PTPRS: variants seen among roughly 807,000 people sequenced by gnomAD.
The protein encoded by PTPRS is protein tyrosine phosphatase receptor type S.
In PTPRS, 63 loss-of-function variants were observed where a neutral mutation model predicts 215.3. That is an observed-to-expected ratio of 0.29 (90% confidence interval 0.24 to 0.36). PTPRS has a LOEUF of 0.36. PTPRS is among the 10% of genes least tolerant of loss of function. The probability of loss-of-function intolerance (pLI) is 1.00; values close to 1 mark genes in which losing one functional copy is unlikely to be tolerated. For synonymous variants in PTPRS, 1,404 were observed against 1,191.4 expected, an observed-to-expected ratio of 1.18 and a Z score of -3.68; for missense variants, 2,258 against 2,825.8, an observed-to-expected ratio of 0.80 and a Z score of 4.56.
intron 35 of PTPRS, among the ~76,000 whole-genome samples, chr19:5,209,747 T>C (rs1389752648): frequency 1.3e-5 from 2 of 152,196 alleles, no homozygotes; most frequent in Non-Finnish European, 2.9e-5. Context: ...CATCCTGTTA[T>C]GCGAATGTTC....
chr19:5,239,298 G>A (rs542657731), intron 12 of PTPRS, among the ~76,000 whole-genome samples: 11 of 151,238 alleles, frequency 7.3e-5, no homozygotes, highest in Middle Eastern at 3.4e-3. Context: ...AAGAGGGTAC[G>A]GAGAGAGACA....
intron 1 of PTPRS, among the ~76,000 whole-genome samples, chr19:5,310,732 G>A (rs905227399): frequency 1.1e-4 from 16 of 151,480 alleles, no homozygotes; most frequent in African/African-American, 3.9e-4. Context: ...TTGAGGCAGG[G>A]TCTCACTCTG....
intron 11 of PTPRS, among the ~76,000 whole-genome samples, chr19:5,243,673 T>C (rs575709860): frequency 6.6e-6 from 1 of 152,204 alleles, no homozygotes. Context: ...GGTTTCACCA[T>C]GTTGGCCATG....
At chr19:5,225,191 A>C (rs2042372013) in intron 17 of PTPRS, among the ~76,000 whole-genome samples, 1 of 152,176 alleles carries the variant, frequency 6.6e-6, no homozygotes, top group Non-Finnish European at 1.5e-5. Flanking sequence ...CAGGGCCACC[A>C]AGAGAAAGGT....
At chr19:5,328,521 A>AACCACCGCGC (rs2050230429) in intron 1 of PTPRS, among the ~76,000 whole-genome samples, 1 of 151,790 alleles carries the variant, frequency 6.6e-6, no homozygotes. Flanking sequence ...TATAGGCGTG[A>AACCACCGCGC]ACCACCGCGC....
At chr19:5,211,834 C>G in intron 32 of PTPRS, 66 bp from the exon 33 acceptor site, 1 of 1,590,408 alleles carries the variant, frequency 6.3e-7, no homozygotes, top group South Asian at 1.1e-5. Context: ...AGCTGGAGCA[C>G]CAATGGTGGA....
intron 16 of PTPRS, among the ~76,000 whole-genome samples, chr19:5,229,057 G>A (rs78654571): frequency 0.017 from 2,620 of 152,324 alleles, 64 homozygotes; most frequent in African/African-American, 0.059. Flanking sequence ...AGGATTCAGG[G>A]ACGACCCTCA....
chr19:5,331,126 TTTAAAAAAAAAA>T (rs944215736), intron 1 of PTPRS, among the ~76,000 whole-genome samples: 4 of 42,560 alleles, frequency 9.4e-5, no homozygotes, highest in African/African-American at 6.1e-4. Flanking sequence ...GGCTTCTTTT[TTTAAAAAAAAAA>T]AAAAAAAAAA....
At chr19:5,309,174 T>C (rs56201457) in intron 1 of PTPRS, among the ~76,000 whole-genome samples, 9,500 of 151,726 alleles carry the variant, frequency 0.063, 360 homozygotes, top group African/African-American at 0.095. Context: ...TGGCTGGCTC[T>C]GGTGGTGAGC....
At position 5,222,634 on chromosome 19, in the gene PTPRS, G is replaced by A. The variant is rs2042094771; in HGVS notation, c.3103+55C>T. 15 of 1,446,764 alleles carry A rather than the reference G, an allele frequency of 1.0e-5. No individual in the cohort carries two copies. In the South Asian group the frequency reaches 1.7e-4, roughly 16 times the overall value. The allele number at this position is 1,446,764 out of a possible 1,614,324, so 89.6% of individuals were successfully genotyped here. On this transcript the variant is annotated intron_variant, in intron 18 of 37. Transcript: ENST00000262963. ...CAGGGGAGAGGGAGGGGGCTGGGGT[G>A]GGGGTGGGCGCAAGGCCCGGTCCGG...
intron 9 of PTPRS, among the ~76,000 whole-genome samples, chr19:5,246,249 C>T (rs1293360135): frequency 6.6e-6 from 1 of 151,226 alleles, no homozygotes; most frequent in African/African-American, 2.4e-5. Flanking sequence ...GATTTTTTTC[C>T]CCCAAATGAA....
chr19:5,290,437 G>A (rs1438436952), intron 1 of PTPRS, among the ~76,000 whole-genome samples: 3 of 152,194 alleles, frequency 2.0e-5, no homozygotes, highest in African/African-American at 7.2e-5. Flanking sequence ...AATGGGGGGC[G>A]AGTGGGCACT....
chr19:5,335,890 G>A (rs2050481100), intron 1 of PTPRS, among the ~76,000 whole-genome samples: 1 of 152,004 alleles, frequency 6.6e-6, no homozygotes, highest in African/African-American at 2.4e-5. Flanking sequence ...GGCGCAGAGG[G>A]TGCCTTGATT....
At chr19:5,286,334 T>C (rs2048348276) in intron 1 of PTPRS, 100 bp from the exon 2 acceptor site, 1 of 618,158 alleles carries the variant, frequency 1.6e-6, no homozygotes. Flanking sequence ...GGGAGGGTCC[T>C]GCGGGGGCTG....
At chr19:5,318,957 C>T (rs1379903270) in intron 1 of PTPRS, among the ~76,000 whole-genome samples, 6 of 152,172 alleles carry the variant, frequency 3.9e-5, no homozygotes, top group Admixed American at 6.5e-5. Context: ...ACAGTGAGTC[C>T]CTGGAGGGCA....
At chr19:5,255,327 G>A (rs1021220553) in intron 9 of PTPRS, among the ~76,000 whole-genome samples, 5 of 152,170 alleles carry the variant, frequency 3.3e-5, no homozygotes, top group African/African-American at 1.2e-4. Context: ...TTTCTGCCCT[G>A]GCATCCCAGC....
At chr19:5,308,205 C>T (rs989488411) in intron 1 of PTPRS, among the ~76,000 whole-genome samples, 2 of 152,186 alleles carry the variant, frequency 1.3e-5, no homozygotes, top group African/African-American at 4.8e-5. Context: ...CAGCCACGCC[C>T]GGAGGGCCTG....
In PTPRS at chr19:5,244,104, A is replaced by G; in HGVS notation, c.1367T>C (p.Leu456Pro). 6.2e-7 allele frequency: 1 copy of G among 1,608,800 alleles called. No individual in the cohort carries two copies. Reference protein sequence around the residue: ...QWEEPVEPNGLIRGYRVYYTM... With the variant: ...QWEEPVEPNGPIRGYRVYYTM... ...GTAGTAGACGCGGTAGCCGCGGATC[A>G]GGCCGTTGGGCTCCACCGGCTCCTC... is the stretch of plus-strand genomic sequence containing the variant. Residue 456 changes from leucine (L) to proline (P), a missense_variant, in exon 11 of 38, where the codon CTG becomes CCG. Coordinates refer to ENST00000262963, the MANE Select transcript of PTPRS (RefSeq NM_002850.4). This position sits in a 1 kb window ranked among gnomAD's most constrained non-coding sequence, Gnocchi z 7.2.
chr19:5,206,529 G>A lies in PTPRS; in HGVS notation c.*245C>T, dbSNP rs940826156. On this transcript the variant is annotated 3_prime_UTR_variant, in exon 38 of 38. Coordinates refer to ENST00000262963, the MANE Select transcript of PTPRS (RefSeq NM_002850.4). The stretch of plus-strand genomic sequence containing the variant: ...ACCCCGGAATCTGGTTTTGGAATTG[G>A]AAGGAAAGGAGGAATGTGCCAAGTA... 9.8e-6 allele frequency: 4 copies of A among 410,222 alleles called. No homozygotes were observed. The East Asian group carries it at 1.7e-4, about 17-fold the overall frequency. 25.4% of individuals were successfully genotyped at this position (410,222 alleles called of 1,614,324 possible).
Sources: gnomAD v4.1 joint callset for allele counts (sites outside exome capture counted in the v4.1 genomes callset) on GRCh38, gnomAD v4.1.1 for gene constraint, Gnocchi (gnomAD v3.1) non-coding constraint, MANE v1.5 for transcripts, NCBI Gene and HGNC (gene_info 2026-07-23, HGNC 2026-07-21) for gene names.